Variants in BNC2 observed in about 807,000 individuals in gnomAD.
BNC2 encodes zinc finger protein basonuclin-2.
In BNC2, 20 loss-of-function variants were observed where a neutral mutation model predicts 76.3. That is an observed-to-expected ratio of 0.26 (90% CI 0.18 to 0.38). The LOEUF (loss-of-function observed/expected upper bound fraction) is 0.38. BNC2 is among the 10% of genes least tolerant of loss of function. The pLI, the probability that BNC2 is intolerant of heterozygous loss-of-function variation, is 1.00. For missense variants in BNC2, 1,382 were observed against 1,399.8 expected (o/e 0.99, Z 0.20); for synonymous variants, 582 against 514.8 (o/e 1.13, Z -1.77).
intron 1 of BNC2, chr9:16,775,714 G>C (rs192170078): frequency 4.5e-6 from 1 of 222,598 alleles, no homozygotes; most frequent in Non-Finnish European, 1.0e-5. Flanking sequence ...ATACTTGCTG[G>C]AGGGGTGTGT....
At chr9:16,549,146 T>A (rs1026410240) in intron 5 of BNC2, among the ~76,000 whole-genome samples, 1 of 152,182 alleles carries the variant, frequency 6.6e-6, no homozygotes, top group African/African-American at 2.4e-5. Flanking sequence ...CAAAATCAGA[T>A]CAGACAACTG....
chr9:16,442,172 G>A (rs899037777), intron 5 of BNC2, among the ~76,000 whole-genome samples: 16 of 152,158 alleles, frequency 1.1e-4, no homozygotes, highest in African/African-American at 3.9e-4. Context: ...TTAAATGCGA[G>A]TTATTATCAT....
At chr9:16,862,900 GCTATAT>G (rs2136216636) in intron 1 of BNC2, among the ~76,000 whole-genome samples, 2 of 135,380 alleles carry the variant, frequency 1.5e-5, no homozygotes, top group East Asian at 4.7e-4. Flanking sequence ...TCTATATATA[GCTATAT>G]ATAGATAGAT....
Position 16,461,211 on chromosome 9 carries a change from T to C in BNC2, c.670-23687A>G, listed in dbSNP as rs1210653895. On this transcript the variant is annotated intron_variant, in intron 5 of 6. Coordinates refer to ENST00000380672, the MANE Select transcript of BNC2 (RefSeq NM_017637.6). ...AATGCCGCTCACTTGAATCAGTAAG[T>C]CTTTTTCAAAAATGATCATTTTATA... Among the ~76,000 whole-genome samples, 3 of 152,174 alleles carry C rather than the reference T, an allele frequency of 2.0e-5. 1 individual carries two copies. The highest frequency in any genetic ancestry group is 6.5e-5 in the Admixed American group (1 of 15,272).
At chr9:16,571,518 T>C (rs755146366) in intron 4 of BNC2, among the ~76,000 whole-genome samples, 5 of 152,184 alleles carry the variant, frequency 3.3e-5, no homozygotes, top group South Asian at 2.1e-4. Context: ...GCTTGCTGCC[T>C]GCAGTTTTTT....
chr9:16,642,120 G>C (rs759608431), intron 3 of BNC2, among the ~76,000 whole-genome samples: 1 of 152,118 alleles, frequency 6.6e-6, no homozygotes, highest in Non-Finnish European at 1.5e-5. Flanking sequence ...CCTGATACTA[G>C]AAAATTACCT....
chr9:16,635,945 G>C (rs1231618759), intron 3 of BNC2, among the ~76,000 whole-genome samples: 3 of 152,164 alleles, frequency 2.0e-5, no homozygotes, highest in African/African-American at 7.2e-5. Flanking sequence ...AAAAGTAAGG[G>C]AATGTGTAGA....
At chr9:16,741,593 C>T (rs1824851443) in intron 1 of BNC2, among the ~76,000 whole-genome samples, 1 of 152,096 alleles carries the variant, frequency 6.6e-6, no homozygotes, top group Non-Finnish European at 1.5e-5. Context: ...CTCAGAGTTC[C>T]CAGTTTGGGA....
chr9:16,855,750 A>G (rs1410796035), intron 1 of BNC2, among the ~76,000 whole-genome samples: 6 of 150,168 alleles, frequency 4.0e-5, no homozygotes, highest in Middle Eastern at 3.4e-3. Context: ...GGGTTTCACC[A>G]TGTTAGCCAG....
chr9:16,687,291 A>C (rs947286310), intron 3 of BNC2, among the ~76,000 whole-genome samples: 24 of 152,202 alleles, frequency 1.6e-4, no homozygotes, highest in African/African-American at 5.5e-4. Context: ...AATTACAAAG[A>C]AGACAACAAA....
chr9:16,798,699 G>A (rs1263433929), intron 1 of BNC2, among the ~76,000 whole-genome samples: 5 of 152,036 alleles, frequency 3.3e-5, no homozygotes, highest in South Asian at 4.1e-4. Context: ...ACTAAACTAC[G>A]TAGAAATTAT....
intron 1 of BNC2, among the ~76,000 whole-genome samples, chr9:16,756,977 C>T (rs1277810940): frequency 5.5e-5 from 7 of 127,778 alleles, no homozygotes; most frequent in South Asian, 2.9e-4. Context: ...GGCAACACAG[C>T]GAGACTCTGT....
intron 3 of BNC2, among the ~76,000 whole-genome samples, chr9:16,693,501 T>C (rs1587322891): frequency 6.6e-6 from 1 of 151,866 alleles, no homozygotes; most frequent in Non-Finnish European, 1.5e-5. Context: ...AAACTGGAGG[T>C]GGAGTCCCTC....
At chr9:16,432,074 A>C (rs575976306) in intron 6 of BNC2, among the ~76,000 whole-genome samples, 2 of 152,334 alleles carry the variant, frequency 1.3e-5, no homozygotes, top group African/African-American at 4.8e-5. Flanking sequence ...TATCACTCAG[A>C]ATAAAAATTA....
intron 1 of BNC2, among the ~76,000 whole-genome samples, chr9:16,778,398 A>G (rs1010330940): frequency 6.6e-6 from 1 of 151,692 alleles, no homozygotes; most frequent in African/African-American, 2.4e-5. Flanking sequence ...GGAAGAAAAA[A>G]CCCCCAAACT....
At chr9:16,781,228 T>A (rs185204076) in intron 1 of BNC2, among the ~76,000 whole-genome samples, 788 of 13,678 alleles carry the variant, frequency 0.058, 9 homozygotes, top group African/African-American at 0.16. Flanking sequence ...ATTTTCAAAT[T>A]TGCACCAAAG....
intron 2 of BNC2, among the ~76,000 whole-genome samples, chr9:16,731,472 T>C (rs1824501990): frequency 1.3e-5 from 2 of 152,034 alleles, no homozygotes; most frequent in Admixed American, 1.3e-4. Context: ...AGTAGAAATA[T>C]ACTTACACAA....
intron 1 of BNC2, among the ~76,000 whole-genome samples, chr9:16,855,232 T>C (rs957184193): frequency 1.3e-5 from 2 of 152,034 alleles, no homozygotes; most frequent in African/African-American, 4.8e-5. Flanking sequence ...TTAACAAAAT[T>C]AGGTTCCTAA....
intron 3 of BNC2, chr9:16,685,460 A>T: frequency 2.6e-6 from 2 of 759,892 alleles, no homozygotes; most frequent in Non-Finnish European, 4.0e-6. Context: ...TCTTTTCCTG[A>T]TGACGCTGAT....
Sources: allele counts gnomAD v4.1 joint callset (sites outside exome capture counted in the v4.1 genomes callset), GRCh38; gene constraint gnomAD v4.1.1; transcripts MANE v1.5; gene names NCBI Gene and HGNC (gene_info 2026-07-23, HGNC 2026-07-21).